ANKRD30A: variants seen among roughly 807,000 people sequenced by gnomAD.
ANKRD30A encodes the protein ankyrin repeat domain 30A, also known as ankyrin repeat domain-containing protein 30A.
In ANKRD30A, 170 loss-of-function variants were observed where a neutral mutation model predicts 166.3. The ratio of observed to expected loss-of-function variants is 1.02; its 90% CI spans 0.90 to 1.16. ANKRD30A has a LOEUF of 1.16. Ranked by LOEUF, ANKRD30A falls within the 50% of genes most tolerant of loss-of-function variation. The pLI is 0.00. For synonymous variants in ANKRD30A, 564 were observed against 508.9 expected, an observed-to-expected ratio of 1.11 and a Z score of -1.46; for missense variants, 1,630 against 1,518.0, an observed-to-expected ratio of 1.07 and a Z score of -1.23.
At chr10:37,195,236 A>T (rs1259962275) in intron 27 of ANKRD30A, among the ~76,000 whole-genome samples, 1 of 152,186 alleles carries the variant, frequency 6.6e-6, no homozygotes, top group African/African-American at 2.4e-5. Flanking sequence ...TGCACGTCTG[A>T]GTCTTTTTTC....
At chr10:37,191,308 A>T (rs1409760582) in intron 25 of ANKRD30A, among the ~76,000 whole-genome samples, 1 of 151,998 alleles carries the variant, frequency 6.6e-6, no homozygotes, top group Non-Finnish European at 1.5e-5. Flanking sequence ...ATTATGCTCT[A>T]AATATATATC....
chr10:37,205,041 T>C (rs1841898995), intron 31 of ANKRD30A, among the ~76,000 whole-genome samples: 1 of 152,192 alleles, frequency 6.6e-6, no homozygotes, highest in Non-Finnish European at 1.5e-5. Context: ...GACAGTGTGG[T>C]GATTCCTGAA....
chr10:37,147,130 T>C (rs1837564797), intron 8 of ANKRD30A, among the ~76,000 whole-genome samples: 1 of 152,268 alleles, frequency 6.6e-6, no homozygotes, highest in Non-Finnish European at 1.5e-5. Flanking sequence ...TTTTTGTCAA[T>C]GTTATTTATT....
At chr10:37,231,074 T>A (rs1285218144) in intron 34 of ANKRD30A, among the ~76,000 whole-genome samples, 1 of 152,092 alleles carries the variant, frequency 6.6e-6, no homozygotes, top group Non-Finnish European at 1.5e-5. Flanking sequence ...CCTGAAAATA[T>A]CTTTGAGGGA....
intron 13 of ANKRD30A, 83 bp downstream of exon 13, chr10:37,153,745 G>A (rs1838144294): frequency 6.4e-7 from 1 of 1,555,980 alleles, no homozygotes; most frequent in African/African-American, 1.4e-5. Flanking sequence ...AGTAGCTGAA[G>A]AAAATTACCT....
intron 15 of ANKRD30A, among the ~76,000 whole-genome samples, chr10:37,158,898 G>A (rs1564504395): frequency 6.6e-6 from 1 of 152,142 alleles, no homozygotes; most frequent in Admixed American, 6.6e-5. Flanking sequence ...TGAAATATTT[G>A]CAGTGGTTCA....
chr10:37,138,512 C>G (rs1264401830), intron 6 of ANKRD30A, among the ~76,000 whole-genome samples: 1 of 152,082 alleles, frequency 6.6e-6, no homozygotes, highest in Non-Finnish European at 1.5e-5. Flanking sequence ...CTAGAATAAC[C>G]AATGCAGAGA....
the ANKRD30A span, among the ~76,000 whole-genome samples, chr10:37,240,710 A>G: frequency 6.6e-6 from 1 of 152,242 alleles, no homozygotes; most frequent in South Asian, 2.1e-4. Flanking sequence ...TCCTTCTGGT[A>G]TCAACCTGCA....
At chr10:37,224,988 GC>G (rs1271091217) in intron 34 of ANKRD30A, among the ~76,000 whole-genome samples, 3 of 151,638 alleles carry the variant, frequency 2.0e-5, no homozygotes, top group East Asian at 3.9e-4. Flanking sequence ...ATATAAATAT[GC>G]TTTTCCCCTT....
At chr10:37,245,980 T>C in the ANKRD30A span, among the ~76,000 whole-genome samples, 184 of 152,284 alleles carry the variant, frequency 1.2e-3, 1 homozygote, top group Middle Eastern at 6.8e-3. Flanking sequence ...GCCTGTCATA[T>C]CAGTGTATAT....
rs760088797 is a variant in ANKRD30A, at chr10:37,219,523, G to A, written c.3811G>A (p.Gly1271Arg). Residue 1271 changes from glycine (G) to arginine (R), a missense_variant, in exon 34 of 36, where the codon GGA becomes AGA. Coordinates refer to ENST00000361713, the MANE Select transcript of ANKRD30A (RefSeq NM_052997.3). ...KSLKINLNYAGDALRENTLVS... is the reference protein window; with the variant it reads ...KSLKINLNYARDALRENTLVS... ...CCTAAAAATTAATCTCAATTATGCA[G>A]GAGATGCTCTAAGAGAAAATACATT... 24 of 1,610,012 alleles carry A rather than the reference G, an allele frequency of 1.5e-5. No homozygotes were observed. The highest frequency in any genetic ancestry group is 1.4e-4 in the South Asian group (13 of 90,956).
At chr10:37,200,871 G>A (rs1212263990) in intron 30 of ANKRD30A, among the ~76,000 whole-genome samples, 3 of 152,042 alleles carry the variant, frequency 2.0e-5, no homozygotes, top group Non-Finnish European at 4.4e-5. Flanking sequence ...ATGGCAAGTA[G>A]CAAGAGTATT....
At chr10:37,131,366 G>T (rs1178576355) in intron 3 of ANKRD30A, among the ~76,000 whole-genome samples, 1 of 152,158 alleles carries the variant, frequency 6.6e-6, no homozygotes, top group African/African-American at 2.4e-5. Flanking sequence ...ATATGCATTA[G>T]AATTTTAGGA....
chr10:37,165,173 T>A lies in ANKRD30A; in HGVS notation c.2064+18T>A. 6.3e-7 allele frequency: 1 copy of A among 1,587,106 alleles called. No homozygotes were observed. The highest frequency in any genetic ancestry group is 8.6e-7 in the Non-Finnish European group (1 of 1,156,708). On this transcript the variant is annotated intron_variant, in intron 18 of 35. Coordinates refer to ENST00000361713, the MANE Select transcript of ANKRD30A (RefSeq NM_052997.3). ...ATACTGAGGTACTGTGTGTTGTTGA[T>A]TTTTTTAAATATTAGTATTGCATGA...
chr10:37,211,530 T>C (rs974822348), intron 31 of ANKRD30A, among the ~76,000 whole-genome samples: 19 of 152,222 alleles, frequency 1.2e-4, no homozygotes, highest in Admixed American at 1.2e-3. Flanking sequence ...ATCCAGTCTA[T>C]CATTGTTGGA....
At chr10:37,202,068 G>A (rs1436988084) in intron 31 of ANKRD30A, among the ~76,000 whole-genome samples, 3 of 152,176 alleles carry the variant, frequency 2.0e-5, no homozygotes, top group South Asian at 2.1e-4. Flanking sequence ...CTTGATCTGA[G>A]TAGCTGAGGA....
chr10:37,263,278 G>C, the ANKRD30A span, among the ~76,000 whole-genome samples: 5 of 151,788 alleles, frequency 3.3e-5, no homozygotes, highest in Non-Finnish European at 5.9e-5. Flanking sequence ...AACTTTTTTG[G>C]CACCAGAGAC....
At chr10:37,232,815 A>T (rs1174100589), downstream of ANKRD30A, among the ~76,000 whole-genome samples, 1 of 146,296 alleles carries the variant, frequency 6.8e-6, no homozygotes, top group African/African-American at 2.5e-5. Flanking sequence ...TGAGCCCAAG[A>T]TTTCAAGGCT....
intron 30 of ANKRD30A, among the ~76,000 whole-genome samples, chr10:37,200,512 G>A (rs1382945219): frequency 5.3e-5 from 8 of 152,080 alleles, no homozygotes; most frequent in African/African-American, 1.9e-4. Context: ...ACAAGCAGCT[G>A]CTGCCTGGTG....
Sources: allele counts gnomAD v4.1 joint callset (sites outside exome capture counted in the v4.1 genomes callset), GRCh38; gene constraint gnomAD v4.1.1; transcripts MANE v1.5; gene names NCBI Gene and HGNC (gene_info 2026-07-23, HGNC 2026-07-21).